The following RNF138 variants were observed in gnomAD, a reference collection of about 807,000 sequenced individuals.
RNF138 encodes E3 ubiquitin-protein ligase RNF138.
In RNF138, 12 loss-of-function variants were observed where a neutral mutation model predicts 31.0. The ratio of observed to expected loss-of-function variants is 0.39; its 90% CI spans 0.25 to 0.63. The LOEUF is 0.63. Among genes scored for constraint, RNF138 ranks in the 20% least tolerant of loss-of-function variants. The pLI is 0.52. For missense variants in RNF138, 192 were observed against 300.1 expected (o/e 0.64, Z 2.66); for synonymous variants, 105 against 99.5 (o/e 1.06, Z -0.33).
At chr18:32,092,667 T>C (rs1198559254) in intron 1 of RNF138, 33 bp from the exon 2 acceptor site, 11 of 704,432 alleles carry the variant, frequency 1.6e-5, no homozygotes, top group Non-Finnish European at 2.8e-5. Context: ...TGTATCCTGA[T>C]GCGATCCCCC....
intron 2 of RNF138, among the ~76,000 whole-genome samples, chr18:32,096,801 A>C (rs933417514): frequency 1.3e-5 from 2 of 152,082 alleles, no homozygotes; most frequent in Admixed American, 1.3e-4. Context: ...ATCATAGCTT[A>C]CTGCAGCCTC....
chr18:32,092,613 CGGCCCCGCCCTACCCAG>C (rs2039714753), intron 1 of RNF138, 70 bp from the exon 2 acceptor site: 5 of 599,502 alleles, frequency 8.3e-6, no homozygotes, highest in African/African-American at 1.9e-5. Context: ...TCTCTGCGTT[CGGCCCCGCCCTACCCAG>C]GGCCCCGCCC....
chr18:32,108,141 C>CA (rs1410406845), intron 2 of RNF138, among the ~76,000 whole-genome samples: 1 of 152,188 alleles, frequency 6.6e-6, no homozygotes, highest in Non-Finnish European at 1.5e-5. Flanking sequence ...AGGCGTAAGC[C>CA]ACCATGCCTG....
At chr18:32,115,353 ATC>A (rs1214515341) in intron 4 of RNF138, among the ~76,000 whole-genome samples, 2 of 152,154 alleles carry the variant, frequency 1.3e-5, no homozygotes, top group Non-Finnish European at 2.9e-5. Flanking sequence ...GGCCCTCATC[ATC>A]TCTCACTCGA....
Position 32,129,959 on chromosome 18 carries a change from TTAAC to T in RNF138, c.*776_*779del, listed in dbSNP as rs942401170. The T allele has an allele frequency of 7.2e-5, 11 of 152,214 alleles. No homozygotes were observed. Among genetic ancestry groups the T allele is most frequent in the Non-Finnish European group, 1.3e-4 (9 of 67,938 alleles). The allele number at this position is 152,214 out of a possible 1,614,324, so 9.4% of individuals were successfully genotyped here. ...AATTTTCAGTAGCCAGTATTTCTGA[TTAAC>T]TAAGTTGAAACTCTTATTAGAAACT... is the stretch of plus-strand genomic sequence containing the variant. On this transcript the variant is annotated 3_prime_UTR_variant, in exon 8 of 8. Transcript: ENST00000261593.
chr18:32,124,284 G>A (rs1435413652), intron 5 of RNF138: 1 of 153,414 alleles, frequency 6.5e-6, no homozygotes, highest in East Asian at 1.9e-4. Context: ...CCTAGGGCCT[G>A]GTATTTATTA....
chr18:32,116,659 CT>C (rs1216552307), intron 4 of RNF138, among the ~76,000 whole-genome samples: 15 of 151,962 alleles, frequency 9.9e-5, no homozygotes. Flanking sequence ...TCAAGCAGTC[CT>C]TCTGCCTCAG....
chr18:32,093,122 C>T (rs2039734899), intron 2 of RNF138, among the ~76,000 whole-genome samples: 1 of 147,934 alleles, frequency 6.8e-6, no homozygotes, highest in Admixed American at 6.7e-5. Context: ...CTCTCCCGCT[C>T]TCCCGCTCTC....
At chr18:32,106,548 TTTTA>T (rs58517415) in intron 2 of RNF138, among the ~76,000 whole-genome samples, 3,247 of 146,894 alleles carry the variant, frequency 0.022, 113 homozygotes, top group African/African-American at 0.071. Context: ...TTTTATTTTA[TTTTA>T]TTTATTTATT....
chr18:32,093,022 C>T (rs1341837241), intron 2 of RNF138, 136 bp downstream of exon 2: 3 of 479,720 alleles, frequency 6.3e-6, no homozygotes, highest in Admixed American at 8.9e-5. Flanking sequence ...CCGCGAGGTC[C>T]CGTTCCCCGC....
At chr18:32,098,858 A>C (rs548584562) in intron 2 of RNF138, among the ~76,000 whole-genome samples, 2 of 151,696 alleles carry the variant, frequency 1.3e-5, no homozygotes, top group East Asian at 3.9e-4. Flanking sequence ...GTTTCAAAAA[A>C]AAAAAAAAAA....
chr18:32,098,322 T>G (rs1363148237), intron 2 of RNF138, among the ~76,000 whole-genome samples: 1 of 151,998 alleles, frequency 6.6e-6, no homozygotes, highest in Non-Finnish European at 1.5e-5. Context: ...TCTTATAGTT[T>G]AAATTTTTTA....
chr18:32,106,253 T>C (rs1250671608), intron 2 of RNF138, among the ~76,000 whole-genome samples: 1 of 152,238 alleles, frequency 6.6e-6, no homozygotes, highest in African/African-American at 2.4e-5. Flanking sequence ...ACCATTTTTT[T>C]CCATAAGCCC....
At chr18:32,113,092 A>G (rs1006038411) in intron 3 of RNF138, among the ~76,000 whole-genome samples, 3 of 152,082 alleles carry the variant, frequency 2.0e-5, no homozygotes, top group African/African-American at 4.8e-5. Context: ...ATTTTTTTTG[A>G]GACAGGGTCT....
chr18:32,124,576 TC>T (rs2040355933), intron 5 of RNF138, 157 bp from the exon 6 acceptor site: 1 of 577,452 alleles, frequency 1.7e-6, no homozygotes, highest in Admixed American at 2.9e-5. Flanking sequence ...CTGTAATGCA[TC>T]ATTTCCTGAA....
At chr18:32,104,992 T>C (rs1215968056) in intron 2 of RNF138, among the ~76,000 whole-genome samples, 1 of 152,218 alleles carries the variant, frequency 6.6e-6, no homozygotes, top group Non-Finnish European at 1.5e-5. Flanking sequence ...TGAGATATTA[T>C]GAAACAATAG....
intron 4 of RNF138, among the ~76,000 whole-genome samples, chr18:32,119,909 A>G (rs2040276616): frequency 6.6e-6 from 1 of 152,016 alleles, no homozygotes; most frequent in South Asian, 2.1e-4. Context: ...TCTTGTTTTC[A>G]GCAGCTTTGA....
At chr18:32,114,682 G>A (rs189034248) in intron 4 of RNF138, among the ~76,000 whole-genome samples, 8 of 152,290 alleles carry the variant, frequency 5.3e-5, no homozygotes. Flanking sequence ...AAGCACATAC[G>A]TAACTGTAAG....
intron 4 of RNF138, 26 bp downstream of exon 4, chr18:32,113,886 A>C (rs1181127530): frequency 9.1e-7 from 1 of 1,102,872 alleles, no homozygotes; most frequent in Non-Finnish European, 1.3e-6. Flanking sequence ...TCCTAAATAC[A>C]GAATTTTCAT....
Sources: gnomAD v4.1 joint callset for allele counts (sites outside exome capture counted in the v4.1 genomes callset) on GRCh38, gnomAD v4.1.1 for gene constraint, MANE v1.5 for transcripts, NCBI Gene and HGNC (gene_info 2026-07-23, HGNC 2026-07-21) for gene names.